The following DLG2 variants were observed in gnomAD, a reference collection of about 807,000 sequenced individuals.
DLG2 encodes the protein disks large homolog 2.
In DLG2, 45 loss-of-function variants were observed where a neutral mutation model predicts 132.5. The ratio of observed to expected loss-of-function variants is 0.34; its 90% CI spans 0.27 to 0.44. The LOEUF is 0.44. DLG2 is among the 20% of genes least tolerant of loss of function. The probability of loss-of-function intolerance (pLI) is 1.00; values close to 1 mark genes in which losing one functional copy is unlikely to be tolerated. For missense variants in DLG2, 1,045 were observed against 1,196.9 expected, an observed-to-expected ratio of 0.87 and a Z score of 1.87; for synonymous variants, 424 against 419.6, an observed-to-expected ratio of 1.01 and a Z score of -0.13.
intron 7 of DLG2, among the ~76,000 whole-genome samples, chr11:84,481,584 C>T (rs187058834): frequency 6.6e-6 from 1 of 152,176 alleles, no homozygotes; most frequent in African/African-American, 2.4e-5. Context: ...TCATTTTTAC[C>T]CACAATGTCT....
At chr11:83,686,128 C>T (rs184057052) in intron 18 of DLG2, among the ~76,000 whole-genome samples, 2 of 152,208 alleles carry the variant, frequency 1.3e-5, no homozygotes, top group East Asian at 3.9e-4. Context: ...GCCACCCTTC[C>T]TCCACACAGC....
intron 6 of DLG2, among the ~76,000 whole-genome samples, chr11:84,959,088 A>T (rs1350818572): frequency 6.6e-6 from 1 of 152,172 alleles, no homozygotes; most frequent in Non-Finnish European, 1.5e-5. Flanking sequence ...CAGAGACAAA[A>T]TTATATATAG....
chr11:85,519,913 C>T (rs934368948), intron 3 of DLG2, among the ~76,000 whole-genome samples: 1 of 152,158 alleles, frequency 6.6e-6, no homozygotes, highest in Non-Finnish European at 1.5e-5. Flanking sequence ...CTTTCACCTT[C>T]CACCATGATT....
rs551223389 is a variant in DLG2, at chr11:84,553,372, T to G, written c.358-18641A>C. ...CTCTGTTTTCAGTTGATAAGACTGA[T>G]AAATGTTATCAACCTAAAATGTCAT... On this transcript the variant is annotated intron_variant, in intron 6 of 27. Coordinates refer to ENST00000376104, the MANE Select transcript of DLG2 (RefSeq NM_001142699.3). 4.1e-4 allele frequency among the ~76,000 whole-genome samples: 62 copies of G among 152,330 alleles called. 1 individual carries two copies. In the Middle Eastern group the frequency reaches 0.01, roughly 25 times the overall value.
intron 4 of DLG2, among the ~76,000 whole-genome samples, chr11:85,281,493 C>A (rs2078218861): frequency 1.3e-5 from 2 of 152,028 alleles, no homozygotes; most frequent in Middle Eastern, 3.4e-3. Flanking sequence ...CAGATCCAGG[C>A]AAAAGTAAAA....
chr11:84,110,171 G>A (rs965629443), intron 9 of DLG2, among the ~76,000 whole-genome samples: 1 of 152,150 alleles, frequency 6.6e-6, no homozygotes, highest in African/African-American at 2.4e-5. Context: ...CCCAGGAGAG[G>A]TAAAACAACA....
intron 6 of DLG2, among the ~76,000 whole-genome samples, chr11:84,737,167 T>A (rs367762011): frequency 4.5e-4 from 68 of 152,128 alleles, no homozygotes; most frequent in African/African-American, 1.6e-3. Flanking sequence ...GATTTTTGAA[T>A]GTTAAACAAT....
rs2093509317 is a variant in DLG2 at position 84,114,168 on chromosome 11, TCA to T, written c.625-15123_625-15122del. ...AATAAATTATTACTTATAAAAAATT[TCA>T]GTTTTAATTTCGAATACGGTAAATA... On this transcript the variant is annotated intron_variant, in intron 9 of 27. Transcript: ENST00000376104. Among the ~76,000 whole-genome samples the T allele has an allele frequency of 3.9e-5, 6 of 152,152 alleles. 1 individual carries two copies. In the South Asian group the frequency reaches 1.2e-3, roughly 32 times the overall value.
At chr11:85,533,061 T>C (rs1429294203) in intron 3 of DLG2, among the ~76,000 whole-genome samples, 4 of 152,104 alleles carry the variant, frequency 2.6e-5, no homozygotes, top group Non-Finnish European at 5.9e-5. Context: ...TCTCAGTCTA[T>C]CACTCAGGCT....
At position 85,287,849 on chromosome 11, in the gene DLG2, A is replaced by G. The variant is rs575037656; in HGVS notation, c.41-2484T>C. ...TCATGAAACTATATATCTTAGAAAA[A>G]TAACGTTGGGTGAATAAAGCAAGTT... On this transcript the variant is annotated intron_variant, in intron 3 of 27. Transcript: ENST00000376104. 5.9e-5 allele frequency among the ~76,000 whole-genome samples: 9 copies of G among 152,298 alleles called. No individual in the cohort carries two copies. In the South Asian group the frequency reaches 1.9e-3, roughly 32 times the overall value.
chr11:83,722,744 T>G (rs1006631900), intron 18 of DLG2, among the ~76,000 whole-genome samples: 2 of 152,172 alleles, frequency 1.3e-5, no homozygotes, highest in South Asian at 2.1e-4. Context: ...TAAACTTTCT[T>G]AAAATCAGTA....
chr11:84,301,833 C>A (rs2154382093), intron 7 of DLG2, among the ~76,000 whole-genome samples: 1 of 152,148 alleles, frequency 6.6e-6, no homozygotes, highest in East Asian at 1.9e-4. Context: ...TTTGACCCAG[C>A]AATCCCATTA....
chr11:84,154,999 T>G (rs2095399857), intron 9 of DLG2, among the ~76,000 whole-genome samples: 2 of 152,068 alleles, frequency 1.3e-5, no homozygotes, highest in African/African-American at 4.8e-5. Flanking sequence ...GGGAGAAAAT[T>G]TTTGCAACCT....
intron 6 of DLG2, among the ~76,000 whole-genome samples, chr11:84,808,470 A>G (rs114282757): frequency 0.025 from 3,862 of 152,180 alleles, 179 homozygotes; most frequent in African/African-American, 0.089. Context: ...AACAAAGAGC[A>G]GAAACAAATG....
chr11:85,261,712 C>T (rs1351107391), intron 4 of DLG2, among the ~76,000 whole-genome samples: 1 of 152,094 alleles, frequency 6.6e-6, no homozygotes, highest in African/African-American at 2.4e-5. Flanking sequence ...GAAGGTGAAA[C>T]TGCTGAATTC....
In DLG2 at chr11:85,065,690, ATT is replaced by A. The variant is rs1282102153; in HGVS notation, c.357+45969_357+45970del. The stretch of plus-strand genomic sequence containing the variant: ...CTCAAAAGTATAAAAATACATGGAA[ATT>A]AAACAATCTGCTCCTGAATAATCTT... On this transcript the variant is annotated intron_variant, in intron 6 of 27. Coordinates refer to ENST00000376104, the MANE Select transcript of DLG2 (RefSeq NM_001142699.3). Among the ~76,000 whole-genome samples the A allele has an allele frequency of 3.7e-3, 561 of 151,488 alleles. 1 individual carries two copies. Among genetic ancestry groups the A allele is most frequent in the Non-Finnish European group, 6.3e-3 (428 of 67,684 alleles).
intron 18 of DLG2, among the ~76,000 whole-genome samples, chr11:83,668,867 A>ATTT (rs10635194): frequency 0.033 from 3,650 of 110,400 alleles, 394 homozygotes; most frequent in African/African-American, 0.091. Context: ...ATATATATAT[A>ATTT]TTTTTTTTTT....
intron 6 of DLG2, among the ~76,000 whole-genome samples, chr11:84,628,444 T>A (rs1026674632): frequency 3.9e-5 from 6 of 152,238 alleles, no homozygotes; most frequent in African/African-American, 1.4e-4. Flanking sequence ...TGTTCCTTAA[T>A]CAAATAGCTA....
intron 3 of DLG2, among the ~76,000 whole-genome samples, chr11:85,501,415 A>G (rs928849102): frequency 2.0e-5 from 3 of 152,216 alleles, no homozygotes; most frequent in Non-Finnish European, 4.4e-5. Context: ...CAAACTAGAC[A>G]AATGGGATCT....
Sources: gnomAD v4.1 joint callset for allele counts (sites outside exome capture counted in the v4.1 genomes callset) on GRCh38, gnomAD v4.1.1 for gene constraint, MANE v1.5 for transcripts, NCBI Gene and HGNC (gene_info 2026-07-23, HGNC 2026-07-21) for gene names.